EPB41L4A: variants seen among roughly 807,000 people sequenced by gnomAD.
EPB41L4A encodes erythrocyte membrane protein band 4.1 like 4A.
Under a neutral mutation model 108.6 loss-of-function variants are expected in EPB41L4A, and 100 were observed. That is an observed-to-expected ratio of 0.92 (90% CI 0.78 to 1.09). EPB41L4A has a LOEUF of 1.09. Ranked by LOEUF, EPB41L4A falls within the 50% of genes least tolerant of loss-of-function variation. EPB41L4A has a pLI of 0.00. For synonymous variants in EPB41L4A, 319 were observed against 289.0 expected, an observed-to-expected ratio of 1.10 and a Z score of -1.05; for missense variants, 1,030 against 842.7, an observed-to-expected ratio of 1.22 and a Z score of -2.75.
intron 1 of EPB41L4A, among the ~76,000 whole-genome samples, chr5:112,359,140 C>A (rs1184483591): frequency 1.3e-5 from 2 of 152,166 alleles, no homozygotes; most frequent in East Asian, 3.8e-4. Context: ...TGTAAAAACT[C>A]ATTCAGCTAT....
intron 12 of EPB41L4A, among the ~76,000 whole-genome samples, chr5:112,215,178 T>A (rs1747527938): frequency 6.6e-6 from 1 of 152,194 alleles, no homozygotes; most frequent in Admixed American, 6.5e-5. Flanking sequence ...CAAAAACTAT[T>A]AATAGATGTG....
intron 1 of EPB41L4A, among the ~76,000 whole-genome samples, chr5:112,397,592 G>A (rs1467537174): frequency 1.3e-5 from 2 of 151,966 alleles, no homozygotes; most frequent in East Asian, 3.9e-4. Flanking sequence ...CCATACACAT[G>A]AAAAAATACT....
intron 1 of EPB41L4A, among the ~76,000 whole-genome samples, chr5:112,385,724 G>A (rs975759709): frequency 5.9e-5 from 9 of 152,068 alleles, no homozygotes; most frequent in African/African-American, 1.2e-4. Context: ...AATGGAAACC[G>A]AAAATTGGTC....
At chr5:112,364,238 C>G (rs907413918) in intron 1 of EPB41L4A, among the ~76,000 whole-genome samples, 3 of 152,182 alleles carry the variant, frequency 2.0e-5, no homozygotes, top group African/African-American at 7.2e-5. Flanking sequence ...GTTGGCCAGG[C>G]TGGTCTCGAA....
chr5:112,186,931 C>A (rs1443333683), intron 17 of EPB41L4A, among the ~76,000 whole-genome samples: 3 of 152,168 alleles, frequency 2.0e-5, no homozygotes, highest in African/African-American at 4.8e-5. Flanking sequence ...ATAAAGAAAT[C>A]TTTAAATGAA....
rs557618823 is a variant in EPB41L4A at position 112,332,032 on chromosome 5, G to C, written c.100-24542C>G. Among the ~76,000 whole-genome samples, 115 of 152,294 alleles carry C rather than the reference G, an allele frequency of 7.6e-4. 1 individual carries two copies. The highest frequency in any genetic ancestry group is 2.7e-3 in the African/African-American group (112 of 41,562). ...CTCCCTCTCAGACCAAATGAACTGGGAACAGGAACAGAAACCGAAGGAATC... is the reference window on the plus strand; with the variant it reads ...CTCCCTCTCAGACCAAATGAACTGGCAACAGGAACAGAAACCGAAGGAATC... On this transcript the variant is annotated intron_variant, in intron 1 of 22. Coordinates refer to ENST00000261486, the MANE Select transcript of EPB41L4A (RefSeq NM_022140.5).
chr5:112,359,654 C>T (rs1758589863), intron 1 of EPB41L4A, among the ~76,000 whole-genome samples: 1 of 152,026 alleles, frequency 6.6e-6, no homozygotes. Flanking sequence ...CATTCTCCTG[C>T]CTCAGCCTCC....
intron 3 of EPB41L4A, among the ~76,000 whole-genome samples, chr5:112,276,411 T>G (rs886818091): frequency 1.4e-4 from 22 of 152,210 alleles, no homozygotes; most frequent in African/African-American, 5.1e-4. Context: ...AGAAATATTT[T>G]TATTTCTGAG....
At chr5:112,147,198 C>A (rs138806644) in intron 12 of EPB41L4A, among the ~76,000 whole-genome samples, 2 of 152,274 alleles carry the variant, frequency 1.3e-5, no homozygotes, top group Non-Finnish European at 1.5e-5. Flanking sequence ...TATTCAGTAT[C>A]TCTGTCATTG....
intron 7 of EPB41L4A, among the ~76,000 whole-genome samples, chr5:112,261,329 A>C (rs1352847695): frequency 6.6e-6 from 1 of 152,214 alleles, no homozygotes. Flanking sequence ...TACAAAATGA[A>C]TGCATGAGTG....
At chr5:112,289,433 G>A (rs1289093227) in intron 2 of EPB41L4A, among the ~76,000 whole-genome samples, 1 of 152,150 alleles carries the variant, frequency 6.6e-6, no homozygotes, top group African/African-American at 2.4e-5. Context: ...GCAAACTTGA[G>A]GGAATTTGAG....
At chr5:112,419,511 G>A (rs2112863527), upstream of EPB41L4A, 1 of 389,032 alleles carries the variant, frequency 2.6e-6, no homozygotes, top group Non-Finnish European at 5.1e-6. Flanking sequence ...CCGACGTCCT[G>A]GCGTCCGATC....
chr5:112,282,705 C>T (rs1336750177), intron 2 of EPB41L4A, among the ~76,000 whole-genome samples: 1 of 152,116 alleles, frequency 6.6e-6, no homozygotes, highest in Non-Finnish European at 1.5e-5. Context: ...AATTTCACGC[C>T]CTACGCTACA....
chr5:112,210,064 A>AT, intron 12 of EPB41L4A, 82 bp from the exon 13 acceptor site: 1 of 847,838 alleles, frequency 1.2e-6, no homozygotes, highest in Non-Finnish European at 1.9e-6. Flanking sequence ...TTATTTTAAA[A>AT]TGCAATTTTA....
chr5:112,394,976 C>G (rs868620314), intron 1 of EPB41L4A, among the ~76,000 whole-genome samples: 2 of 151,984 alleles, frequency 1.3e-5, no homozygotes, highest in East Asian at 1.9e-4. Flanking sequence ...ACAAACCTGA[C>G]AAAAACAAGA....
At chr5:112,238,437 AATAT>A (rs1389814730) in intron 11 of EPB41L4A, among the ~76,000 whole-genome samples, 3 of 152,232 alleles carry the variant, frequency 2.0e-5, no homozygotes, top group Admixed American at 6.5e-5. Flanking sequence ...TCAACTAAAT[AATAT>A]ATAAAGATGA....
intron 19 of EPB41L4A, 77 bp from the exon 20 acceptor site, chr5:112,170,446 G>T: frequency 1.1e-6 from 1 of 941,610 alleles, no homozygotes; most frequent in Non-Finnish European, 1.7e-6. Context: ...CGGCAGGTGA[G>T]TTTTCCCTTT....
chr5:112,292,632 T>C (rs1383766167), intron 2 of EPB41L4A, among the ~76,000 whole-genome samples: 1 of 152,174 alleles, frequency 6.6e-6, no homozygotes. Context: ...TGCAATTTTA[T>C]AAAATATAAG....
intron 2 of EPB41L4A, among the ~76,000 whole-genome samples, chr5:112,293,722 A>C (rs1234102196): frequency 6.6e-6 from 1 of 152,150 alleles, no homozygotes; most frequent in Non-Finnish European, 1.5e-5. Context: ...GCAGTGCAAG[A>C]AGCGACTTTG....
Sources: allele counts gnomAD v4.1 joint callset (sites outside exome capture counted in the v4.1 genomes callset), GRCh38; gene constraint gnomAD v4.1.1; transcripts MANE v1.5; gene names NCBI Gene and HGNC (gene_info 2026-07-23, HGNC 2026-07-21).